Variants in DLGAP2 observed in about 807,000 individuals in gnomAD.
DLGAP2 encodes the protein disks large-associated protein 2.
DLGAP2 carries 26 observed loss-of-function variants against 100.3 expected under a neutral mutation model. The ratio of observed to expected loss-of-function variants is 0.26; its 90% CI spans 0.19 to 0.36. The LOEUF (loss-of-function observed/expected upper bound fraction) is 0.36, where lower values mean the gene tolerates loss of function less well. Ranked by LOEUF, DLGAP2 falls within the 10% of genes least tolerant of loss-of-function variation. DLGAP2 has a pLI of 1.00. For missense variants in DLGAP2, 1,858 were observed against 1,453.2 expected, an observed-to-expected ratio of 1.28 and a Z score of -4.53; for synonymous variants, 886 against 630.1, an observed-to-expected ratio of 1.41 and a Z score of -6.08.
At chr8:877,100 T>C (rs1191803406) in intron 1 of DLGAP2, among the ~76,000 whole-genome samples, 1 of 152,080 alleles carries the variant, frequency 6.6e-6, no homozygotes, top group African/African-American at 2.4e-5. Context: ...TCCTTTGAAA[T>C]CTTTTTCTAA....
chr8:978,675 G>T (rs1427720578), intron 2 of DLGAP2, among the ~76,000 whole-genome samples: 1 of 151,916 alleles, frequency 6.6e-6, no homozygotes, highest in African/African-American at 2.4e-5. Context: ...TGGTGTTGTG[G>T]GGAGGGCGTC....
intron 3 of DLGAP2, among the ~76,000 whole-genome samples, chr8:1,265,490 A>T (rs186521299): frequency 6.6e-6 from 1 of 152,224 alleles, no homozygotes; most frequent in African/African-American, 2.4e-5. Flanking sequence ...ACATGTCTGG[A>T]ATTAAATGAG....
Position 1,191,364 on chromosome 8 carries a change from A to G in DLGAP2, c.74-67487A>G, listed in dbSNP as rs180827290. Among the ~76,000 whole-genome samples, 1,177 of 151,842 alleles carry G rather than the reference A, an allele frequency of 7.8e-3. 4 individuals are homozygous for G. The highest frequency in any genetic ancestry group is 0.013 in the Non-Finnish European group (850 of 67,908). ...TTTTTGTATTTTTGGTAGAGACGGG[A>G]TTTCACCGTGTTAGCCAGGATGGTC... is the stretch of plus-strand genomic sequence containing the variant. On this transcript the variant is annotated intron_variant, in intron 2 of 14. Transcript: ENST00000637795.
intron 2 of DLGAP2, among the ~76,000 whole-genome samples, chr8:1,044,258 A>T (rs1802454830): frequency 6.6e-6 from 1 of 152,240 alleles, no homozygotes; most frequent in Non-Finnish European, 1.5e-5. Context: ...TCCCAGATAA[A>T]TGGAATATGT....
At position 860,814 on chromosome 8, in the gene DLGAP2, G is replaced by A. The variant is rs146971883; in HGVS notation, c.19-47098G>A. Among the ~76,000 whole-genome samples, 26 of 152,304 alleles carry A rather than the reference G, an allele frequency of 1.7e-4. 1 individual carries two copies. The East Asian group carries it at 5.0e-3, about 29-fold the overall frequency. On this transcript the variant is annotated intron_variant, in intron 1 of 14. Transcript: ENST00000637795. ...TGTGTGGCGGGGAGTCAGTGAGAAA[G>A]ACGGAGAAGAAGCAGACAAATCATG...
At chr8:741,801 T>C (rs1820493359) in intron 1 of DLGAP2, among the ~76,000 whole-genome samples, 1 of 152,156 alleles carries the variant, frequency 6.6e-6, no homozygotes, top group Admixed American at 6.6e-5. Context: ...GCCGGAGCCC[T>C]AACTCCCTCT....
chr8:1,266,701 A>G (rs905309974), intron 3 of DLGAP2, among the ~76,000 whole-genome samples: 2 of 152,086 alleles, frequency 1.3e-5, no homozygotes, highest in Non-Finnish European at 2.9e-5. Flanking sequence ...TTTACAATAA[A>G]AGCATGATAC....
chr8:1,134,545 A>G (rs74304021), intron 2 of DLGAP2, among the ~76,000 whole-genome samples: 20,927 of 152,258 alleles, frequency 0.14, 1,746 homozygotes, highest in East Asian at 0.22. Context: ...AATTAATGAT[A>G]GAACTTACAT....
intron 2 of DLGAP2, among the ~76,000 whole-genome samples, chr8:1,024,479 A>G (rs535565631): frequency 6.6e-6 from 1 of 152,148 alleles, no homozygotes; most frequent in East Asian, 1.9e-4. Context: ...GCCGAAGGAG[A>G]CGCTCCAACC....
At chr8:1,037,032 TCTG>T (rs1041625592) in intron 2 of DLGAP2, among the ~76,000 whole-genome samples, 51 of 152,128 alleles carry the variant, frequency 3.4e-4, no homozygotes, top group Admixed American at 3.9e-4. Flanking sequence ...CGCTTGCTGT[TCTG>T]CTGGCCAGAT....
chr8:1,472,576 G>A (rs1798832635), intron 3 of DLGAP2, among the ~76,000 whole-genome samples: 1 of 152,140 alleles, frequency 6.6e-6, no homozygotes, highest in Admixed American at 6.6e-5. Context: ...AGACGCTGAG[G>A]TCAGATTGAG....
At chr8:1,290,150 G>A (rs1463773254) in intron 3 of DLGAP2, among the ~76,000 whole-genome samples, 1 of 152,190 alleles carries the variant, frequency 6.6e-6, no homozygotes, top group Non-Finnish European at 1.5e-5. Context: ...TACATAACGT[G>A]TGACATGAGT....
chr8:1,154,636 C>A (rs1434037719), intron 2 of DLGAP2, among the ~76,000 whole-genome samples: 4 of 152,106 alleles, frequency 2.6e-5, no homozygotes, highest in African/African-American at 7.2e-5. Context: ...CATTAAAAAC[C>A]CCAGCAGCCA....
Position 1,639,477 on chromosome 8 carries a change from G to C in DLGAP2, c.1810+6431G>C, listed in dbSNP as rs528582812. Among the ~76,000 whole-genome samples, 39 of 152,340 alleles carry C rather than the reference G, an allele frequency of 2.6e-4. No individual in the cohort carries two copies. In the South Asian group the frequency reaches 7.9e-3, roughly 31 times the overall value. On this transcript the variant is annotated intron_variant, in intron 8 of 14. Coordinates refer to ENST00000637795, the MANE Select transcript of DLGAP2 (RefSeq NM_001346810.2). ...GGGGTCCTGTGCCACCCCCGACCCA[G>C]GGTAAGCCCAGGTTCCTGGTGTCCA...
intron 2 of DLGAP2, among the ~76,000 whole-genome samples, chr8:1,252,010 T>G (rs753645284): frequency 3.3e-5 from 5 of 152,070 alleles, no homozygotes; most frequent in African/African-American, 1.2e-4. Flanking sequence ...CGTGGGTGTG[T>G]TGTGTTGTCC....
At chr8:1,380,466 A>T (rs1039555307) in intron 3 of DLGAP2, among the ~76,000 whole-genome samples, 8 of 152,078 alleles carry the variant, frequency 5.3e-5, no homozygotes, top group Non-Finnish European at 1.0e-4. Flanking sequence ...CATAAAACTC[A>T]CCCCTCCAGT....
intron 4 of DLGAP2, among the ~76,000 whole-genome samples, chr8:1,509,289 C>A (rs534130727): frequency 1.1e-4 from 17 of 150,650 alleles, no homozygotes; most frequent in Non-Finnish European, 2.2e-4. Context: ...TGATATTACG[C>A]CTCTGTGCTC....
intron 12 of DLGAP2, among the ~76,000 whole-genome samples, chr8:1,683,438 A>C (rs891365385): frequency 6.6e-6 from 1 of 151,280 alleles, no homozygotes; most frequent in African/African-American, 2.4e-5. Flanking sequence ...GTGCTACCTG[A>C]CCTCACAGAG....
rs1800321944 is a variant in DLGAP2, at chr8:981,206, C to G, written c.73+73240C>G. 2.6e-5 allele frequency among the ~76,000 whole-genome samples: 4 copies of G among 152,132 alleles called. No homozygotes were observed. The South Asian group carries it at 8.3e-4, about 32-fold the overall frequency. ...TTGGTGCCTGGCTTATTTCACTTAG[C>G]ATAGTGTTTCCAAGGCTCATCTGGG... On this transcript the variant is annotated intron_variant, in intron 2 of 14. Transcript: ENST00000637795.
Sources: allele counts gnomAD v4.1 joint callset (sites outside exome capture counted in the v4.1 genomes callset), GRCh38; gene constraint gnomAD v4.1.1; transcripts MANE v1.5; gene names NCBI Gene and HGNC (gene_info 2026-07-23, HGNC 2026-07-21).